Variants in DAAM1 observed in about 807,000 individuals in gnomAD.
The protein encoded by DAAM1 is dishevelled associated activator of morphogenesis 1.
A neutral mutation model predicts 130.0 loss-of-function variants in DAAM1; 52 were observed. That is an observed-to-expected ratio of 0.40 (90% CI 0.32 to 0.50). DAAM1 has a LOEUF of 0.50. DAAM1 is among the 20% of genes least tolerant of loss of function. DAAM1 has a pLI of 0.61. For synonymous variants in DAAM1, 452 were observed against 444.5 expected (o/e 1.02, Z -0.21); for missense variants, 1,134 against 1,303.8 (o/e 0.87, Z 2.01).
chr14:59,261,866 GT>G, intron 1 of DAAM1, among the ~76,000 whole-genome samples: 1 of 152,290 alleles, frequency 6.6e-6, no homozygotes, highest in East Asian at 1.9e-4. Context: ...GAAGGCATCT[GT>G]TTTCTCACTG....
At position 59,308,975 on chromosome 14, in the gene DAAM1, A is replaced by G. The variant is rs188380891; in HGVS notation, c.274-6305A>G. ...GTGGCAGTGGCCAAAAAATGTAACC[A>G]GGATTGGCAGTCCCAGGGACCACAT... is the stretch of plus-strand genomic sequence containing the variant. On this transcript the variant is annotated intron_variant, in intron 3 of 24. Transcript: ENST00000360909. 4.4e-3 allele frequency among the ~76,000 whole-genome samples: 673 copies of G among 152,276 alleles called. 2 individuals are homozygous for G. The highest frequency in any genetic ancestry group is 8.9e-3 in the South Asian group (43 of 4,818).
At chr14:59,338,752 T>A (rs1594833890) in intron 15 of DAAM1, among the ~76,000 whole-genome samples, 6 of 152,132 alleles carry the variant, frequency 3.9e-5, no homozygotes, top group Admixed American at 3.9e-4. Context: ...ATTTATATAA[T>A]TGTTTTTTTC....
chr14:59,341,858 C>A (rs956698137), intron 16 of DAAM1, among the ~76,000 whole-genome samples: 17 of 152,134 alleles, frequency 1.1e-4, no homozygotes, highest in African/African-American at 3.9e-4. Context: ...TGCTTTAAAA[C>A]ACTTGGTGAA....
intron 3 of DAAM1, among the ~76,000 whole-genome samples, chr14:59,295,133 A>G: frequency 6.6e-6 from 1 of 152,220 alleles, no homozygotes; most frequent in Non-Finnish European, 1.5e-5. Flanking sequence ...TGAGGCAAAG[A>G]TCAGGATTTG....
At chr14:59,192,535 G>T (rs558211503) in intron 1 of DAAM1, among the ~76,000 whole-genome samples, 3 of 152,054 alleles carry the variant, frequency 2.0e-5, no homozygotes, top group African/African-American at 7.2e-5. Flanking sequence ...TTATATTGCC[G>T]GAAACAAAGC....
At position 59,326,948 on chromosome 14, in the gene DAAM1, T is replaced by A; in HGVS notation, c.1329T>A (p.Asn443Lys). 1 of 1,613,906 alleles carries A rather than the reference T, an allele frequency of 6.2e-7. No individual in the cohort carries two copies. Among genetic ancestry groups the A allele is most frequent in the African/African-American group, 1.3e-5 (1 of 75,008 alleles). ...KNVVRMLVNENEVKQWKEQAE... is the reference protein window; with the variant it reads ...KNVVRMLVNEKEVKQWKEQAE... ...TCTTACACAGGTTGGTTAATGAAAA[T>A]GAAGTTAAGCAGTGGAAAGAACAAG... Residue 443 changes from asparagine (N) to lysine (K), a missense_variant, in exon 12 of 25, where the codon AAT (asparagine) becomes AAA (lysine). Physicochemically the swap from Asn to Lys is moderately conservative, Grantham distance 94. Around this residue, in one of 3 missense-constraint regions of DAAM1, gnomAD observed 391 missense variants for 521.6 expected, o/e 0.75. Coordinates refer to ENST00000360909, the MANE Select transcript of DAAM1 (RefSeq NM_001270520.2).
chr14:59,289,311 C>T (rs1001501756), intron 2 of DAAM1, among the ~76,000 whole-genome samples: 5 of 152,124 alleles, frequency 3.3e-5, no homozygotes, highest in Admixed American at 3.3e-4. Flanking sequence ...CAATAACCTC[C>T]CACCAGGCCC....
intron 19 of DAAM1, 43 bp from the exon 20 acceptor site, chr14:59,355,122 C>A: frequency 6.3e-7 from 1 of 1,588,030 alleles, no homozygotes; most frequent in Non-Finnish European, 8.6e-7. Context: ...TTTCAAACAA[C>A]GAAACACTTG....
In DAAM1 at chr14:59,363,796, T is replaced by G. The variant is rs1249186637; in HGVS notation, c.2826+14T>G. On this transcript the variant is annotated intron_variant, in intron 23 of 24. Transcript: ENST00000360909. ...GCTAAAGACCTGGTAAGTTTCCCCC[T>G]TGTGCACTGAGTGTTGTTTGACCGG... 4.3e-6 allele frequency: 7 copies of G among 1,612,826 alleles called. No homozygotes were observed. Among genetic ancestry groups the G allele is most frequent in the Non-Finnish European group, 5.1e-6 (6 of 1,179,744 alleles).
intron 2 of DAAM1, chr14:59,264,527 C>A (rs1253005): frequency 1.4e-4 from 21 of 151,998 alleles, no homozygotes; most frequent in Non-Finnish European, 3.1e-4. Flanking sequence ...GTGAGAACAG[C>A]ACACAGTGGG....
At chr14:59,255,496 G>A (rs1224637036) in intron 1 of DAAM1, among the ~76,000 whole-genome samples, 7 of 152,260 alleles carry the variant, frequency 4.6e-5, no homozygotes, top group East Asian at 3.9e-4. Flanking sequence ...GAGAAGCAAA[G>A]TAGTTTTTTT....
At chr14:59,230,868 C>T (rs1326341298) in intron 1 of DAAM1, among the ~76,000 whole-genome samples, 1 of 152,040 alleles carries the variant, frequency 6.6e-6, no homozygotes, top group Non-Finnish European at 1.5e-5. Flanking sequence ...CACCTATATA[C>T]CCATAAAAAT....
chr14:59,266,962 G>A (rs1327835237), intron 2 of DAAM1, among the ~76,000 whole-genome samples: 6 of 152,220 alleles, frequency 3.9e-5, no homozygotes, highest in Admixed American at 3.3e-4. Flanking sequence ...TAGGGTTGGT[G>A]TAGAGGTGAA....
chr14:59,366,823 A>G (rs980981084), intron 23 of DAAM1, among the ~76,000 whole-genome samples: 1 of 152,136 alleles, frequency 6.6e-6, no homozygotes, highest in African/African-American at 2.4e-5. Flanking sequence ...CTTAAGAGGA[A>G]GGATTGCCCA....
intron 2 of DAAM1, among the ~76,000 whole-genome samples, chr14:59,269,713 C>A (rs770496439): frequency 6.6e-6 from 1 of 151,998 alleles, no homozygotes; most frequent in Non-Finnish European, 1.5e-5. Context: ...AAGCCTTCCT[C>A]GGGGAAGTGA....
chr14:59,211,691 C>A (rs1291628125), intron 1 of DAAM1, among the ~76,000 whole-genome samples: 1 of 152,162 alleles, frequency 6.6e-6, no homozygotes, highest in Non-Finnish European at 1.5e-5. Context: ...TCAGACACTT[C>A]ACTCACATTC....
chr14:59,272,751 G>A (rs565763783), intron 2 of DAAM1, among the ~76,000 whole-genome samples: 1 of 152,100 alleles, frequency 6.6e-6, no homozygotes, highest in Non-Finnish European at 1.5e-5. Context: ...AAAATGCTCA[G>A]AACAGTGTGA....
At chr14:59,197,867 A>G (rs2139387177) in intron 1 of DAAM1, among the ~76,000 whole-genome samples, 1 of 152,134 alleles carries the variant, frequency 6.6e-6, no homozygotes, top group South Asian at 2.1e-4. Context: ...CCCATCACTG[A>G]CCTTACAGAA....
intron 17 of DAAM1, among the ~76,000 whole-genome samples, chr14:59,348,726 G>A (rs1309613368): frequency 6.6e-6 from 1 of 152,096 alleles, no homozygotes; most frequent in African/African-American, 2.4e-5. Context: ...AAGTTGCTCT[G>A]GGTAGAGTGC....
Sources: gnomAD v4.1 joint callset for allele counts (sites outside exome capture counted in the v4.1 genomes callset) on GRCh38, gnomAD v4.1.1 for gene constraint, gnomAD v4.1.1 regional missense constraint, MANE v1.5 for transcripts, NCBI Gene and HGNC (gene_info 2026-07-23, HGNC 2026-07-21) for gene names.